The following MOV10L1 variants were observed in gnomAD, a reference collection of about 807,000 sequenced individuals.
MOV10L1 encodes the protein Mov10 like RNA helicase 1.
A neutral mutation model predicts 143.8 loss-of-function variants in MOV10L1; 110 were observed. That is an observed-to-expected ratio of 0.76 (90% CI 0.66 to 0.90). The LOEUF (loss-of-function observed/expected upper bound fraction) is 0.90, where lower values mean the gene tolerates loss of function less well. Among genes scored for constraint, MOV10L1 ranks in the 40% least tolerant of loss-of-function variants. The pLI, the probability that MOV10L1 is intolerant of heterozygous loss-of-function variation, is 0.00. For synonymous variants in MOV10L1, 593 were observed against 581.1 expected (o/e 1.02, Z -0.29); for missense variants, 1,406 against 1,526.8 (o/e 0.92, Z 1.32).
intron 2 of MOV10L1, chr22:50,094,765 GA>G (rs1199933412): frequency 6.6e-6 from 1 of 152,048 alleles, no homozygotes; most frequent in African/African-American, 2.4e-5. Context: ...AAATACTTGA[GA>G]TGTACTTTAT....
chr22:50,148,326 C>T (rs533650987), intron 19 of MOV10L1, among the ~76,000 whole-genome samples: 1 of 152,244 alleles, frequency 6.6e-6, no homozygotes, highest in Non-Finnish European at 1.5e-5. Context: ...GCACCTGTTC[C>T]TCAGCTCATG....
rs544105826 is a variant in MOV10L1, at chr22:50,092,126, C to A, written c.223C>A (p.Gln75Lys). The A allele has an allele frequency of 4.5e-5, 72 of 1,614,136 alleles. 1 individual carries two copies. The South Asian group carries it at 5.3e-4, about 12-fold the overall frequency. Residue 75 changes from glutamine (Q) to lysine (K), a missense_variant, in exon 2 of 27, where the codon CAG (glutamine) becomes AAG (lysine). Physicochemically the swap from Gln to Lys is moderately conservative, Grantham distance 53 (BLOSUM62 1). Transcript: ENST00000262794. The stretch of plus-strand genomic sequence containing the variant: ...TAGCAGAGTGCTTCTGAATGTTGGA[C>A]AGGAAGTGATTGCAGTTGTGGAAGA... Reference protein sequence around the residue: ...VTSRVLLNVGQEVIAVVEENK... With the variant: ...VTSRVLLNVGKEVIAVVEENK...
chr22:50,110,872 A>G lies in MOV10L1; in HGVS notation c.743+2028A>G, dbSNP rs1415540681. Among the ~76,000 whole-genome samples the G allele has an allele frequency of 3.3e-5, 5 of 152,268 alleles. No homozygotes were observed. In the East Asian group the frequency reaches 9.7e-4, roughly 29 times the overall value. On this transcript the variant is annotated intron_variant, in intron 5 of 26. Coordinates refer to ENST00000262794, the MANE Select transcript of MOV10L1 (RefSeq NM_018995.3). ...CTTGAACCCGGGAAGCAGAAGTTGC[A>G]GTGAGCAGAGATCACGCCACTGCAC... is the stretch of plus-strand genomic sequence containing the variant.
chr22:50,099,266 C>T (rs1395910529), intron 2 of MOV10L1, among the ~76,000 whole-genome samples, 177 bp from the exon 3 acceptor site: 1 of 152,186 alleles, frequency 6.6e-6, no homozygotes, highest in Non-Finnish European at 1.5e-5. Flanking sequence ...CATGTGAGGA[C>T]ACAGCAGGAA....
chr22:50,123,564 A>G (rs1168564926), intron 10 of MOV10L1, among the ~76,000 whole-genome samples: 1 of 152,178 alleles, frequency 6.6e-6, no homozygotes, highest in Non-Finnish European at 1.5e-5. Flanking sequence ...TTTGTGTGCT[A>G]GTATCGTGTT....
In MOV10L1 at chr22:50,142,146, C is replaced by G; in HGVS notation, c.2136C>G (p.Asp712Glu). 1.2e-6 allele frequency: 2 copies of G among 1,613,350 alleles called. No individual in the cohort carries two copies. The highest frequency in any genetic ancestry group is 1.7e-6 in the Non-Finnish European group (2 of 1,179,682). Residue 712 changes from aspartate to glutamate, a missense_variant, in exon 16 of 27, where the codon GAC becomes GAG. Asp to Glu is a conservative substitution (Grantham distance 45). Transcript: ENST00000262794. ...AGGAGAGGCGTGTTGGTGACAAGGA[C>G]CTGCCGGTGCTGGCACCCTTTACTG... is the stretch of plus-strand genomic sequence containing the variant. Reference protein sequence around the residue: ...GTEERRVGDKDLPVLAPFTAE... With the variant: ...GTEERRVGDKELPVLAPFTAE...
intron 15 of MOV10L1, among the ~76,000 whole-genome samples, chr22:50,136,723 G>C (rs773154515): frequency 6.6e-6 from 1 of 152,188 alleles, no homozygotes; most frequent in African/African-American, 2.4e-5. Flanking sequence ...GAGGGCAGGG[G>C]ACAGAGAGCA....
Position 50,158,260 on chromosome 22 carries a change from T to G in MOV10L1, c.3216+54T>G. The G allele has an allele frequency of 6.2e-7, 1 of 1,604,450 alleles. No individual in the cohort carries two copies. Among genetic ancestry groups the G allele is most frequent in the South Asian group, 1.1e-5 (1 of 90,418 alleles). On this transcript the variant is annotated intron_variant, in intron 23 of 26. Coordinates refer to ENST00000262794, the MANE Select transcript of MOV10L1 (RefSeq NM_018995.3). This position sits in a 1 kb window ranked among gnomAD's most constrained non-coding sequence, Gnocchi z 5.0. ...TGTGAGGTCCCTGCAGCCCTGCTCC[T>G]TGGCTCCTGCAGCTCCACAGAGGCA...
intron 10 of MOV10L1, among the ~76,000 whole-genome samples, chr22:50,123,982 T>G (rs1441811091): frequency 6.6e-6 from 1 of 152,218 alleles, no homozygotes; most frequent in South Asian, 2.1e-4. Context: ...TGTAGTAATG[T>G]TCCCACTTTC....
In MOV10L1 at chr22:50,149,493, C is replaced by T. The variant is rs192111093; in HGVS notation, c.2628-122C>T. The T allele has an allele frequency of 4.7e-4, 417 of 879,842 alleles. 1 individual carries two copies. In the African/African-American group the frequency reaches 6.4e-3, roughly 14 times the overall value. 54.5% of individuals were successfully genotyped at this position (879,842 alleles called of 1,614,324 possible). A position where few individuals can be genotyped will look rare whatever the true frequency, so the allele number is the denominator to read the frequency against. On this transcript the variant is annotated intron_variant, in intron 19 of 26. Transcript: ENST00000262794. ...GTGACACCCAGACCCCCAGCTCCTGCACACCCCTGGGCAACCCTGCTGTGC... is the reference window on the plus strand; with the variant it reads ...GTGACACCCAGACCCCCAGCTCCTGTACACCCCTGGGCAACCCTGCTGTGC...
At chr22:50,122,150 A>G (rs545196787) in intron 10 of MOV10L1, among the ~76,000 whole-genome samples, 1 of 152,284 alleles carries the variant, frequency 6.6e-6, no homozygotes, top group South Asian at 2.1e-4. Flanking sequence ...GTTAGTATGG[A>G]CATTTTAACA....
intron 4 of MOV10L1, 195 bp from the exon 5 acceptor site, chr22:50,108,462 T>C: frequency 1.3e-6 from 1 of 750,728 alleles, no homozygotes; most frequent in South Asian, 1.6e-5. Flanking sequence ...CTAAGGTCTG[T>C]AGCTTATGCA....
chr22:50,149,664 G>A lies in MOV10L1; in HGVS notation c.2677G>A (p.Glu893Lys). The A allele has an allele frequency of 6.2e-7, 1 of 1,614,114 alleles. No individual in the cohort carries two copies. The highest frequency in any genetic ancestry group is 1.1e-5 in the South Asian group (1 of 91,084). Residue 893 changes from glutamate (E) to lysine (K), a missense_variant, in exon 20 of 27, where the codon GAG becomes AAG. Around this residue, in one of 3 missense-constraint regions of MOV10L1, gnomAD observed 1,233 missense variants for 1,351.4 expected, o/e 0.91. Coordinates refer to ENST00000262794, the MANE Select transcript of MOV10L1 (RefSeq NM_018995.3). ...TGTGGACGAGGCTGGGCAGGCAAGTGAGCCGGAATGCCTCATTCCTCTGGG... is the reference window on the plus strand; with the variant it reads ...TGTGGACGAGGCTGGGCAGGCAAGTAAGCCGGAATGCCTCATTCCTCTGGG... ...VFVDEAGQAS[E>K]PECLIPLGLM...
chr22:50,153,622 G>A (rs776480248), intron 22 of MOV10L1, among the ~76,000 whole-genome samples: 1 of 152,242 alleles, frequency 6.6e-6, no homozygotes, highest in Non-Finnish European at 1.5e-5. Flanking sequence ...GGTTGGAGCT[G>A]TCAGGAGAGA....
intron 8 of MOV10L1, 30 bp downstream of exon 8, chr22:50,115,276 CGT>C: frequency 6.8e-7 from 1 of 1,461,768 alleles, no homozygotes; most frequent in Non-Finnish European, 9.0e-7. Context: ...GGGAGAGCCG[CGT>C]TTTTAAGTTT....
chr22:50,105,038 T>G (rs1035475195), intron 3 of MOV10L1, among the ~76,000 whole-genome samples: 2 of 152,166 alleles, frequency 1.3e-5, no homozygotes, highest in East Asian at 3.9e-4. Context: ...ACTACATACA[T>G]GCACTTCCAT....
chr22:50,149,842 G>A (rs553938662), intron 20 of MOV10L1, 128 bp downstream of exon 20: 3 of 739,236 alleles, frequency 4.1e-6, no homozygotes, highest in East Asian at 5.4e-5. Context: ...GGACCCCGAG[G>A]TGTTGGGGGC....
intron 5 of MOV10L1, among the ~76,000 whole-genome samples, chr22:50,112,546 A>G (rs1297105917): frequency 6.6e-6 from 1 of 152,196 alleles, no homozygotes; most frequent in African/African-American, 2.4e-5. Flanking sequence ...TAGGCTAGTA[A>G]TGCTTGAAAA....
intron 17 of MOV10L1, 119 bp downstream of exon 17, chr22:50,143,340 T>C (rs747689253): frequency 9.0e-7 from 1 of 1,113,498 alleles, no homozygotes; most frequent in African/African-American, 1.5e-5. Context: ...GCTTGAGAAA[T>C]ACCAGTTATT....
Sources: gnomAD v4.1 joint callset for allele counts (sites outside exome capture counted in the v4.1 genomes callset) on GRCh38, gnomAD v4.1.1 for gene constraint, gnomAD v4.1.1 regional missense constraint, Gnocchi (gnomAD v3.1) non-coding constraint, MANE v1.5 for transcripts, NCBI Gene and HGNC (gene_info 2026-07-23, HGNC 2026-07-21) for gene names.